The following IRAG2 variants were observed in gnomAD, a reference collection of about 807,000 sequenced individuals.
IRAG2 encodes the protein inositol 1,4,5-triphosphate receptor associated 2.
In IRAG2, 45 loss-of-function variants were observed where a neutral mutation model predicts 69.9. That is an observed-to-expected ratio of 0.64 (90% CI 0.51 to 0.83). The LOEUF (loss-of-function observed/expected upper bound fraction) is 0.83. Among genes scored for constraint, IRAG2 ranks in the 40% least tolerant of loss-of-function variants. IRAG2 has a pLI of 0.00. For synonymous variants in IRAG2, 193 were observed against 202.4 expected, an observed-to-expected ratio of 0.95 and a Z score of 0.40; for missense variants, 520 against 587.0, an observed-to-expected ratio of 0.89 and a Z score of 1.18.
intron 9 of IRAG2, among the ~76,000 whole-genome samples, chr12:25,080,670 C>T (rs948563949): frequency 6.6e-6 from 1 of 152,048 alleles, no homozygotes; most frequent in African/African-American, 2.4e-5. Flanking sequence ...TACATTCTAT[C>T]GTTTTAACTC....
At chr12:25,023,193 A>C (rs1440542692) in intron 7 of IRAG2, among the ~76,000 whole-genome samples, 1 of 151,628 alleles carries the variant, frequency 6.6e-6, no homozygotes, top group African/African-American at 2.4e-5. Context: ...TTTTAAGTAC[A>C]TGGATGGGGA....
At chr12:25,021,372 G>A (rs1944579218) in intron 7 of IRAG2, among the ~76,000 whole-genome samples, 2 of 151,768 alleles carry the variant, frequency 1.3e-5, no homozygotes, top group Admixed American at 6.6e-5. Flanking sequence ...AAAGTCGATA[G>A]GAGAATTCAA....
intron 14 of IRAG2, chr12:25,090,953 G>A (rs954862354): frequency 9.5e-6 from 4 of 421,174 alleles, no homozygotes; most frequent in Non-Finnish European, 1.9e-5. Flanking sequence ...CAGATGATGG[G>A]CAAGCCTGCT....
chr12:25,028,080 A>G (rs990101799), intron 9 of IRAG2, among the ~76,000 whole-genome samples: 1 of 152,104 alleles, frequency 6.6e-6, no homozygotes, highest in Non-Finnish European at 1.5e-5. Context: ...GTGCGCCACC[A>G]TGCTTAGCTA....
intron 2 of IRAG2, chr12:25,011,269 C>A (rs1944472653): frequency 1.9e-6 from 2 of 1,033,518 alleles, no homozygotes; most frequent in Non-Finnish European, 2.5e-6. Flanking sequence ...GGTTATATAT[C>A]ATGTTTCTAG....
At chr12:25,066,141 T>TTA (rs1434927365) in intron 4 of IRAG2, among the ~76,000 whole-genome samples, 3 of 151,760 alleles carry the variant, frequency 2.0e-5, no homozygotes, top group African/African-American at 7.2e-5. Context: ...TAAAATTATT[T>TTA]TATATATATT....
At chr12:25,070,430 T>A (rs1223555830) in intron 6 of IRAG2, among the ~76,000 whole-genome samples, 1 of 152,196 alleles carries the variant, frequency 6.6e-6, no homozygotes, top group African/African-American at 2.4e-5. Context: ...CAGCATAAGG[T>A]TCTCAAGATT....
intron 16 of IRAG2, among the ~76,000 whole-genome samples, chr12:25,045,976 T>C (rs1369504894): frequency 2.6e-5 from 4 of 151,688 alleles, no homozygotes; most frequent in South Asian, 2.1e-4. Context: ...CAAGAAAATA[T>C]AAGCCAGTCA....
At chr12:25,087,180 T>TTTTG (rs1450270058) in intron 10 of IRAG2, among the ~76,000 whole-genome samples, 5 of 125,170 alleles carry the variant, frequency 4.0e-5, no homozygotes, top group African/African-American at 6.3e-5. Context: ...TTTTTTTTTT[T>TTTTG]TTGTTGAGAC....
intron 16 of IRAG2, among the ~76,000 whole-genome samples, chr12:25,042,987 T>C (rs1185490931): frequency 8.1e-6 from 1 of 124,134 alleles, no homozygotes; most frequent in African/African-American, 2.8e-5. Context: ...TAGATAAAAG[T>C]GATGTCTTTG....
chr12:25,096,971 A>G lies in IRAG2; in HGVS notation c.668A>G (p.Lys223Arg). 6.2e-7 allele frequency: 1 copy of G among 1,613,846 alleles called. No individual in the cohort carries two copies. Among genetic ancestry groups the G allele is most frequent in the East Asian group, 2.2e-5 (1 of 44,858 alleles). ...QAQEIIKKLE[K>R]SIKFLSQCAA... The stretch of plus-strand genomic sequence containing the variant: ...CAGGAAATCATTAAGAAGCTGGAGA[A>G]GAGTATAAAGTTTCTTAGCCAGTGT... The change falls in exon 15 of 22, where the codon AAG (lysine) becomes AGG (arginine). Residue 223 changes from lysine (K) to arginine (R), a missense_variant. Coordinates refer to ENST00000556887, the MANE Select transcript of IRAG2 (RefSeq NM_001366544.2).
intron 1 of IRAG2, among the ~76,000 whole-genome samples, chr12:25,056,309 G>A (rs74551427): frequency 6.6e-6 from 1 of 152,296 alleles, no homozygotes; most frequent in East Asian, 1.9e-4. Flanking sequence ...GTTTTGGGGT[G>A]ACGGCCAAGG....
intron 3 of IRAG2, chr12:25,011,668 C>T: frequency 4.6e-6 from 3 of 653,036 alleles, no homozygotes; most frequent in Non-Finnish European, 6.5e-6. Flanking sequence ...CTTTAGCATG[C>T]ATTAGAATCA....
At chr12:25,004,492 A>G in exon 1 of IRAG2, 1 of 1,232,138 alleles carries the variant, frequency 8.1e-7, no homozygotes, top group Non-Finnish European at 1.0e-6. Context: ...TAGCCCACAG[A>G]CGAACACCAA....
intron 11 of IRAG2, among the ~76,000 whole-genome samples, chr12:25,088,594 C>T (rs143408685): frequency 6.6e-6 from 1 of 152,172 alleles, no homozygotes; most frequent in African/African-American, 2.4e-5. Context: ...CTCTGACTAG[C>T]TATTGATCTT....
Position 25,011,392 on chromosome 12 carries a change from TAATC to T in IRAG2, c.741_744del (p.Asn248SerfsTer2). The T allele has an allele frequency of 8.1e-7, 1 of 1,231,718 alleles. No individual in the cohort carries two copies. Among genetic ancestry groups the T allele is most frequent in the Non-Finnish European group, 1.0e-6 (1 of 987,944 alleles). The allele number at this position is 1,231,718 out of a possible 1,614,324, so 76.3% of individuals were successfully genotyped here. A position where few individuals can be genotyped will look rare whatever the true frequency, so the allele number is the denominator to read the frequency against. Reference sequence around the variant, plus strand: ...AAAGGCTCAGTCGGAGTGGCCAAAATAATCAATTTCCTGAGACAAACAACTAGCC... The same window carrying T: ...AAAGGCTCAGTCGGAGTGGCCAAAATAATTTCCTGAGACAAACAACTAGCC... On this transcript the variant is annotated frameshift_variant, in exon 3 of 39. Transcript: ENST00000636465. LOFTEE classifies it high-confidence loss of function.
At chr12:25,092,988 T>A (rs1172200812) in intron 14 of IRAG2, 1 of 153,304 alleles carries the variant, frequency 6.5e-6, no homozygotes. Flanking sequence ...ATATCTGAAA[T>A]TACCTTAGCA....
chr12:25,030,505 G>A (rs768205668), intron 10 of IRAG2, among the ~76,000 whole-genome samples: 2 of 152,092 alleles, frequency 1.3e-5, no homozygotes, highest in Admixed American at 6.5e-5. Context: ...TCCTGCCTCA[G>A]CCTCCTGAGT....
chr12:24,999,333 T>C, the IRAG2 span, among the ~76,000 whole-genome samples: 5 of 152,324 alleles, frequency 3.3e-5, no homozygotes, highest in African/African-American at 7.2e-5. Flanking sequence ...GATGTTGCCA[T>C]GTGTTAGAGG....
Sources: allele counts gnomAD v4.1 joint callset (sites outside exome capture counted in the v4.1 genomes callset), GRCh38; gene constraint gnomAD v4.1.1; transcripts MANE v1.5; gene names NCBI Gene and HGNC (gene_info 2026-07-23, HGNC 2026-07-21).